Variants in RPS6KA2 observed in about 807,000 individuals in gnomAD.
The protein encoded by RPS6KA2 is ribosomal protein S6 kinase A2, also known as ribosomal protein S6 kinase alpha-2.
A neutral mutation model predicts 91.8 loss-of-function variants in RPS6KA2; 42 were observed. The observed-to-expected ratio is 0.46, with a 90% confidence interval of 0.36 to 0.59. The LOEUF is 0.59. Among genes scored for constraint, RPS6KA2 ranks in the 20% least tolerant of loss-of-function variants. The probability of loss-of-function intolerance (pLI) is 0.00; values close to 1 mark genes in which losing one functional copy is unlikely to be tolerated. For missense variants in RPS6KA2, 798 were observed against 978.5 expected, an observed-to-expected ratio of 0.82 and a Z score of 2.46; for synonymous variants, 414 against 393.6, an observed-to-expected ratio of 1.05 and a Z score of -0.61.
chr6:166,590,151 A>C (rs1785310209), intron 1 of RPS6KA2, among the ~76,000 whole-genome samples: 1 of 152,200 alleles, frequency 6.6e-6, no homozygotes, highest in Non-Finnish European at 1.5e-5. Context: ...ATAAAGACTA[A>C]ATCTATTTGA....
Position 166,670,173 on chromosome 6 carries a change from T to C in RPS6KA2, c.124-131389A>G, listed in dbSNP as rs534990854. On this transcript the variant is annotated intron_variant, in intron 2 of 21. Coordinates refer to the RPS6KA2 transcript ENST00000503859. ...GTGCTGCGTTCAGGGTGCCCTTCCC[T>C]ATGTAAAGGTAATAGGGAGTGGAAA... Among the ~76,000 whole-genome samples, 13 of 152,354 alleles carry C rather than the reference T, an allele frequency of 8.5e-5. No homozygotes were observed. In the South Asian group the frequency reaches 2.7e-3, roughly 32 times the overall value.
intron 13 of RPS6KA2, among the ~76,000 whole-genome samples, chr6:166,450,009 G>A (rs1016105359): frequency 1.4e-4 from 11 of 80,200 alleles, no homozygotes; most frequent in Non-Finnish European, 2.1e-4. Context: ...CACCATGGAT[G>A]TCACCTAAGG....
chr6:166,544,907 C>T (rs144963489), intron 1 of RPS6KA2, among the ~76,000 whole-genome samples: 2 of 152,298 alleles, frequency 1.3e-5, no homozygotes, highest in East Asian at 3.9e-4. Context: ...CCATTTAGTA[C>T]AGCAGAACGA....
intron 2 of RPS6KA2, among the ~76,000 whole-genome samples, chr6:166,830,438 G>C (rs1237805496): frequency 6.6e-6 from 1 of 152,106 alleles, no homozygotes; most frequent in Non-Finnish European, 1.5e-5. Context: ...GGTGGATGGT[G>C]GTGATGGTTG....
Position 166,701,822 on chromosome 6 carries a change from CAT to C in RPS6KA2, c.123+156376_123+156377del. 3 of 896,298 alleles carry C rather than the reference CAT, an allele frequency of 3.3e-6. No homozygotes were observed. The East Asian group carries it at 7.7e-5, about 23-fold the overall frequency. 55.5% of individuals were successfully genotyped at this position (896,298 alleles called of 1,614,324 possible). A position where few individuals can be genotyped will look rare whatever the true frequency, so the allele number is the denominator to read the frequency against. ...CATGATCTCTTCCTCAGCTTTGGCACATGTCTCAACATTGCCTTTAGCTGTAA... is the reference window on the plus strand; with the variant it reads ...CATGATCTCTTCCTCAGCTTTGGCACGTCTCAACATTGCCTTTAGCTGTAA... On this transcript the variant is annotated intron_variant, in intron 2 of 21. Coordinates refer to the RPS6KA2 transcript ENST00000503859.
chr6:166,803,151 G>T (rs993449705), intron 2 of RPS6KA2, among the ~76,000 whole-genome samples: 10 of 152,108 alleles, frequency 6.6e-5, no homozygotes, highest in African/African-American at 1.9e-4. Flanking sequence ...AAATTATTCT[G>T]CACTTTGACC....
intron 5 of RPS6KA2, among the ~76,000 whole-genome samples, chr6:166,505,549 G>A (rs1034768177): frequency 3.7e-4 from 56 of 152,348 alleles, no homozygotes; most frequent in African/African-American, 1.3e-3. Context: ...AATTCTCTCC[G>A]GTAAGCAGAC....
intron 2 of RPS6KA2, among the ~76,000 whole-genome samples, chr6:166,646,528 G>A (rs6935499): frequency 0.03 from 4,540 of 152,304 alleles, 221 homozygotes; most frequent in African/African-American, 0.1. Flanking sequence ...TCTGTGCAGC[G>A]CAAGGGCCCC....
At chr6:166,463,390 G>A (rs1039803209) in intron 11 of RPS6KA2, 3 of 152,184 alleles carry the variant, frequency 2.0e-5, no homozygotes, top group African/African-American at 7.2e-5. Context: ...GAGACTCTGG[G>A]ACAATTCATG....
chr6:166,576,857 T>C (rs898952985), intron 1 of RPS6KA2, among the ~76,000 whole-genome samples: 1 of 152,082 alleles, frequency 6.6e-6, no homozygotes, highest in Non-Finnish European at 1.5e-5. Flanking sequence ...CTCCAGGGCA[T>C]GTCAGAGGTC....
At chr6:166,816,197 A>C (rs1316635046) in intron 2 of RPS6KA2, among the ~76,000 whole-genome samples, 1 of 152,100 alleles carries the variant, frequency 6.6e-6, no homozygotes, top group African/African-American at 2.4e-5. Context: ...TCATATGCCA[A>C]GGTCTTCAAA....
intron 10 of RPS6KA2, among the ~76,000 whole-genome samples, chr6:166,485,592 T>C (rs1280609055): frequency 6.6e-6 from 1 of 152,158 alleles, no homozygotes; most frequent in Non-Finnish European, 1.5e-5. Context: ...ACATAGCATT[T>C]GGACAAACCA....
chr6:166,723,560 G>A (rs541140002), intron 2 of RPS6KA2, among the ~76,000 whole-genome samples: 87 of 152,308 alleles, frequency 5.7e-4, no homozygotes, highest in Non-Finnish European at 1.0e-3. Context: ...ATAACAATAC[G>A]TAAATACAAA....
At chr6:166,771,022 T>A (rs1778457229) in intron 2 of RPS6KA2, 7 of 845,454 alleles carry the variant, frequency 8.3e-6, no homozygotes, top group Non-Finnish European at 8.9e-6. Flanking sequence ...GCCTGTGAGC[T>A]TTTTGTTTCT....
chr6:166,478,152 G>A lies in RPS6KA2; in HGVS notation c.908-8247C>T, dbSNP rs1277792698. Among the ~76,000 whole-genome samples, 6 of 152,210 alleles carry A rather than the reference G, an allele frequency of 3.9e-5. No homozygotes were observed. The South Asian group carries it at 1.0e-3, about 26-fold the overall frequency. On this transcript the variant is annotated intron_variant, in intron 10 of 20. Transcript: ENST00000265678. ...TGCGGCAGCTCGGCTGGGCGGGGGCGGTTACCATGCGTCACCTCAGAGGGA... is the reference window on the plus strand; with the variant it reads ...TGCGGCAGCTCGGCTGGGCGGGGGCAGTTACCATGCGTCACCTCAGAGGGA...
chr6:166,775,477 G>A (rs2128608376), intron 2 of RPS6KA2, among the ~76,000 whole-genome samples: 1 of 152,294 alleles, frequency 6.6e-6, no homozygotes, highest in Admixed American at 6.5e-5. Flanking sequence ...ATAGGCCTTG[G>A]TTTTCTTTAA....
At chr6:166,800,434 A>G (rs113839410) in intron 2 of RPS6KA2, among the ~76,000 whole-genome samples, 1,656 of 152,354 alleles carry the variant, frequency 0.011, 28 homozygotes, top group African/African-American at 0.038. Context: ...ACACTGGAAC[A>G]CAAACGTCAG....
Position 166,635,602 on chromosome 6 carries a change from G to A in RPS6KA2, c.124-96818C>T, listed in dbSNP as rs1289160246. ...CTGCTGTGTGAGGGTGTGTTGGAGTGGGGACAGGGCAGAAGAGGGGTGCTA... is the reference window on the plus strand; with the variant it reads ...CTGCTGTGTGAGGGTGTGTTGGAGTAGGGACAGGGCAGAAGAGGGGTGCTA... On this transcript the variant is annotated intron_variant, in intron 2 of 21. Transcript: ENST00000503859. The surrounding 1 kb of genome is among the most constrained non-coding windows in gnomAD (Gnocchi z 4.8). 6.6e-6 allele frequency among the ~76,000 whole-genome samples: 1 copy of A among 152,208 alleles called. No homozygotes were observed. Among genetic ancestry groups the A allele is most frequent in the Non-Finnish European group, 1.5e-5 (1 of 68,030 alleles).
intron 19 of RPS6KA2, among the ~76,000 whole-genome samples, chr6:166,414,700 A>G (rs1279045196): frequency 6.6e-6 from 1 of 152,222 alleles, no homozygotes; most frequent in Admixed American, 6.5e-5. Flanking sequence ...CCAAGATGAG[A>G]ATCCATATTC....
Sources: gnomAD v4.1 joint callset for allele counts (sites outside exome capture counted in the v4.1 genomes callset) on GRCh38, gnomAD v4.1.1 for gene constraint, Gnocchi (gnomAD v3.1) non-coding constraint, MANE v1.5 for transcripts, NCBI Gene and HGNC (gene_info 2026-07-23, HGNC 2026-07-21) for gene names.